Variants in NUP188 observed in about 807,000 individuals in gnomAD.
The protein encoded by NUP188 is nucleoporin 188.
NUP188 carries 97 observed loss-of-function variants against 223.0 expected under a neutral mutation model. The ratio of observed to expected loss-of-function variants is 0.43; its 90% CI spans 0.37 to 0.51. NUP188 has a LOEUF of 0.51. NUP188 is among the 20% of genes least tolerant of loss of function. NUP188 has a pLI of 0.00. For synonymous variants in NUP188, 869 were observed against 828.0 expected, an observed-to-expected ratio of 1.05 and a Z score of -0.85; for missense variants, 1,947 against 2,175.6, an observed-to-expected ratio of 0.89 and a Z score of 2.09.
At chr9:128,951,615 C>T (rs1381041460) in intron 2 of NUP188, among the ~76,000 whole-genome samples, 3 of 152,214 alleles carry the variant, frequency 2.0e-5, no homozygotes, top group Non-Finnish European at 2.9e-5. Flanking sequence ...TATGCAGCAA[C>T]TTGAAAGTAT....
rs1466579378 is a variant in NUP188 at position 128,969,406 on chromosome 9, C to T, written c.804C>T (p.Phe268=). The change falls in exon 10 of 44, where the codon TTC becomes TTT. Residue 268 remains phenylalanine (F), a synonymous_variant. Coordinates refer to ENST00000372577, the MANE Select transcript of NUP188 (RefSeq NM_015354.3). ...MDPFVDRIGY[F]SALILVEGMD... ...ATACTATTTTTCTTTCTAGCTACTT[C>T]AGTGCCCTCATCCTGGTGGAGGGCA... is the stretch of plus-strand genomic sequence containing the variant. 6.2e-7 allele frequency: 1 copy of T among 1,605,710 alleles called. No homozygotes were observed. The highest frequency in any genetic ancestry group is 8.5e-7 in the Non-Finnish European group (1 of 1,173,156).
At position 128,968,721 on chromosome 9, in the gene NUP188, A is replaced by G; in HGVS notation, c.797+4A>G. On this transcript the variant is annotated splice_donor_region_variant and intron_variant, in intron 9 of 43. Coordinates refer to ENST00000372577, the MANE Select transcript of NUP188 (RefSeq NM_015354.3). Reference sequence around the variant, plus strand: ...ATCCTTTTGTAGATCGGATTGGGTAAGTCAGTGAATTGAACATCATGGAAC... The same window carrying G: ...ATCCTTTTGTAGATCGGATTGGGTAGGTCAGTGAATTGAACATCATGGAAC... 1 of 1,609,276 alleles carries G rather than the reference A, an allele frequency of 6.2e-7. No individual in the cohort carries two copies. The highest frequency in any genetic ancestry group is 8.5e-7 in the Non-Finnish European group (1 of 1,175,666).
rs1207009313 is a variant in NUP188, at chr9:129,006,122, A to C, written c.4942A>C (p.Lys1648Gln). 2 of 1,614,102 alleles carry C rather than the reference A, an allele frequency of 1.2e-6. No individual in the cohort carries two copies. Among genetic ancestry groups the C allele is most frequent in the Non-Finnish European group, 1.7e-6 (2 of 1,179,994 alleles). Residue 1648 changes from lysine (K) to glutamine (Q), a missense_variant and splice_region_variant, in exon 42 of 44, where the codon AAG (lysine) becomes CAG (glutamine). This residue lies in a region of NUP188 where 905 missense variants were observed against 990.6 expected (regional missense o/e 0.91). Coordinates refer to ENST00000372577, the MANE Select transcript of NUP188 (RefSeq NM_015354.3). Reference protein sequence around the residue: ...STQAEGTRTLKSLLMFTMENC... With the variant: ...STQAEGTRTLQSLLMFTMENC... ...ACAGGCAGAAGGGACCAGGACGTTAAAGTAAGTGCTCTTTCTGGGATTTGA... is the reference window on the plus strand; with the variant it reads ...ACAGGCAGAAGGGACCAGGACGTTACAGTAAGTGCTCTTTCTGGGATTTGA...
At position 128,992,499 on chromosome 9, in the gene NUP188, G is replaced by A. The variant is rs760838329; in HGVS notation, c.2641-698G>A. On this transcript the variant is annotated intron_variant, in intron 25 of 43. Transcript: ENST00000372577. ...CGTGAGCCACTGTGCCTGGCCCCTG[G>A]TACTGTTTTATGACTGGCTTCCTTT... is the stretch of plus-strand genomic sequence containing the variant. 5.1e-4 allele frequency among the ~76,000 whole-genome samples: 78 copies of A among 152,146 alleles called. 1 individual carries two copies. The highest frequency in any genetic ancestry group is 2.9e-3 in the Admixed American group (44 of 15,268).
chr9:129,002,057 C>T, intron 36 of NUP188, 81 bp downstream of exon 36: 1 of 1,142,396 alleles, frequency 8.8e-7, no homozygotes, highest in Non-Finnish European at 1.3e-6. Context: ...CTACCTTTCC[C>T]CGGAAGTTGC....
chr9:128,957,890 A>G (rs1841893393), intron 5 of NUP188, 120 bp from the exon 6 acceptor site: 9 of 753,896 alleles, frequency 1.2e-5, no homozygotes, highest in Admixed American at 1.0e-4. Flanking sequence ...GGTGGAAAGT[A>G]TATGTAGAAA....
intron 8 of NUP188, among the ~76,000 whole-genome samples, chr9:128,966,535 G>T (rs913991389): frequency 6.6e-6 from 1 of 151,780 alleles, no homozygotes; most frequent in Non-Finnish European, 1.5e-5. Flanking sequence ...TGCAGGTTTT[G>T]CCATGTTGCC....
At chr9:128,966,636 C>T (rs937129416) in intron 8 of NUP188, among the ~76,000 whole-genome samples, 8 of 152,134 alleles carry the variant, frequency 5.3e-5, no homozygotes, top group African/African-American at 1.7e-4. Context: ...CTATAGCAGA[C>T]GAAACATCTT....
intron 9 of NUP188, 91 bp downstream of exon 9, chr9:128,968,808 T>G (rs1842067539): frequency 2.1e-6 from 2 of 953,680 alleles, no homozygotes; most frequent in Non-Finnish European, 1.6e-6. Context: ...TAGGTGTACT[T>G]TTCACTTAAT....
chr9:128,981,501 TTC>T, intron 15 of NUP188, 111 bp downstream of exon 15: 1 of 1,120,974 alleles, frequency 8.9e-7, no homozygotes, highest in Non-Finnish European at 1.3e-6. Context: ...CAGCCTCAAA[TTC>T]TTGGGCTCAA....
chr9:128,981,523 C>G, intron 15 of NUP188, 133 bp downstream of exon 15: 1 of 861,644 alleles, frequency 1.2e-6, no homozygotes, highest in Non-Finnish European at 1.8e-6. Context: ...AGTGATTCTC[C>G]CACCTTAGCC....
chr9:128,950,337 A>C (rs761374752), intron 2 of NUP188, among the ~76,000 whole-genome samples: 1 of 151,946 alleles, frequency 6.6e-6, no homozygotes, highest in Non-Finnish European at 1.5e-5. Context: ...TTCCTGCCTT[A>C]GCCTCTCAAG....
chr9:128,949,861 T>C (rs1456889739), intron 2 of NUP188, among the ~76,000 whole-genome samples: 4 of 150,166 alleles, frequency 2.7e-5, no homozygotes, highest in African/African-American at 9.8e-5. Flanking sequence ...ACTCCTGACC[T>C]CAGGTGATCT....
At chr9:128,956,047 T>C (rs1588269116) in intron 3 of NUP188, among the ~76,000 whole-genome samples, 1 of 152,188 alleles carries the variant, frequency 6.6e-6, no homozygotes, top group East Asian at 1.9e-4. Context: ...TTTAGGGCAG[T>C]AGTAAGGATC....
rs1842285160 is a variant in NUP188 at position 128,983,393 on chromosome 9, A to G, written c.1884+13A>G. 6.2e-7 allele frequency: 1 copy of G among 1,614,082 alleles called. No homozygotes were observed. On this transcript the variant is annotated intron_variant, in intron 18 of 43. Coordinates refer to ENST00000372577, the MANE Select transcript of NUP188 (RefSeq NM_015354.3). ...CAATCCAGCAAAGGTGAGATGCCAG[A>G]TCTTCCCAAGAGCCAAAAATGTAGC... is the stretch of plus-strand genomic sequence containing the variant.
Position 128,993,594 on chromosome 9 carries a change from C to G in NUP188, c.2917C>G (p.Arg973Gly). Residue 973 changes from arginine to glycine, a missense_variant, in exon 27 of 44, where the codon CGA (arginine) becomes GGA (glycine). Arg to Gly is a moderately radical substitution (Grantham distance 125). Coordinates refer to ENST00000372577, the MANE Select transcript of NUP188 (RefSeq NM_015354.3). ...LELIDSQQQD[R>G]YWCPPLLHRA... ...GCTGATTGATTCCCAACAGCAAGAT[C>G]GATACTGGTGCCCACCCCTGCTGCA... is the stretch of plus-strand genomic sequence containing the variant. 2 of 1,614,158 alleles carry G rather than the reference C, an allele frequency of 1.2e-6. No homozygotes were observed. Among genetic ancestry groups the G allele is most frequent in the East Asian group, 2.2e-5 (1 of 44,870 alleles).
chr9:128,973,371 AT>A (rs146620302), intron 12 of NUP188, 122 bp downstream of exon 12: 7 of 626,542 alleles, frequency 1.1e-5, no homozygotes, highest in Non-Finnish European at 1.9e-5. Context: ...ACTGGCACTC[AT>A]TTTTTTATTT....
intron 7 of NUP188, 30 bp from the exon 8 acceptor site, chr9:128,958,985 G>T: frequency 1.4e-6 from 2 of 1,460,504 alleles, no homozygotes; most frequent in Non-Finnish European, 1.9e-6. Flanking sequence ...TTTTATTCTA[G>T]GTATAATTTA....
intron 38 of NUP188, chr9:129,004,833 T>C (rs1266892071): frequency 9.6e-6 from 4 of 416,318 alleles, no homozygotes; most frequent in South Asian, 9.4e-5. Context: ...CCTTACAATA[T>C]ACCAGGCACC....
Sources: allele counts gnomAD v4.1 joint callset (sites outside exome capture counted in the v4.1 genomes callset), GRCh38; gene constraint gnomAD v4.1.1; regional missense constraint gnomAD v4.1.1; transcripts MANE v1.5; gene names NCBI Gene and HGNC (gene_info 2026-07-23, HGNC 2026-07-21).